The following PFAS variants were observed in gnomAD, a reference collection of about 807,000 sequenced individuals.
PFAS encodes FGAM synthase.
PFAS carries 97 observed loss-of-function variants against 140.6 expected under a neutral mutation model. The observed-to-expected ratio is 0.69, with a 90% confidence interval of 0.59 to 0.82. The LOEUF is 0.82. PFAS is among the 40% of genes least tolerant of loss of function. The pLI is 0.00. For synonymous variants in PFAS, 679 were observed against 718.8 expected, an observed-to-expected ratio of 0.94 and a Z score of 0.88; for missense variants, 1,656 against 1,780.2, an observed-to-expected ratio of 0.93 and a Z score of 1.26.
At chr17:8,256,234 C>A (rs762966351) in intron 6 of PFAS, 33 bp from the exon 7 acceptor site, 33 of 1,606,542 alleles carry the variant, frequency 2.1e-5, no homozygotes, top group Non-Finnish European at 2.7e-5. Flanking sequence ...CCCGTTTCCA[C>A]CTGCCTTCCC....
rs1453884486 is a variant in PFAS at position 8,257,888 on chromosome 17, G to A, written c.1157G>A (p.Ser386Asn). Residue 386 changes from serine to asparagine, a missense_variant, in exon 10 of 28, where the codon AGT becomes AAT. Transcript: ENST00000314666. ...CCCCTGGAGGTTGCCATTGAAGCCA[G>A]TAATGGAGCTTCTGACTATGGCAAC... is the stretch of plus-strand genomic sequence containing the variant. Reference protein sequence around the residue: ...ARPLEVAIEASNGASDYGNKF... With the variant: ...ARPLEVAIEANNGASDYGNKF... 1.2e-6 allele frequency: 2 copies of A among 1,614,176 alleles called. No homozygotes were observed. The highest frequency in any genetic ancestry group is 2.2e-5 in the South Asian group (2 of 91,090).
intron 13 of PFAS, 125 bp from the exon 14 acceptor site, chr17:8,263,450 G>C: frequency 2.0e-6 from 2 of 1,017,840 alleles, no homozygotes; most frequent in Non-Finnish European, 3.1e-6. Context: ...ATGATTGGTG[G>C]TAAGGGTGCG....
upstream of PFAS, chr17:8,249,256 G>T (rs1008237583): frequency 5.3e-5 from 8 of 152,186 alleles, no homozygotes; most frequent in Non-Finnish European, 1.0e-4. Flanking sequence ...GGCAGGTCCA[G>T]TCTCTGCCCG....
upstream of PFAS, chr17:8,248,202 G>A: frequency 1.6e-6 from 1 of 629,516 alleles, no homozygotes; most frequent in Admixed American, 2.8e-5. Flanking sequence ...GAGGCGCCTC[G>A]GTGCACCATC....
At chr17:8,248,672 C>T (rs1400254611), upstream of PFAS, among the ~76,000 whole-genome samples, 1 of 152,034 alleles carries the variant, frequency 6.6e-6, no homozygotes, top group Non-Finnish European at 1.5e-5. Flanking sequence ...ATCCTCCCAC[C>T]TCAGCCCACC....
rs1989691076 is a variant in PFAS at position 8,263,754 on chromosome 17, CT to C, written c.1630-20del. The C allele has an allele frequency of 6.2e-7, 1 of 1,610,896 alleles. No individual in the cohort carries two copies. Among genetic ancestry groups the C allele is most frequent in the African/African-American group, 1.3e-5 (1 of 74,874 alleles). On this transcript the variant is annotated intron_variant, in intron 14 of 27. Coordinates refer to ENST00000314666, the MANE Select transcript of PFAS (RefSeq NM_012393.3). ...GAGTGCCCACTGGCCCTTCTCTTTC[CT>C]CCCCGCCGTGGCTGTGCAGCTTGGG... is the stretch of plus-strand genomic sequence containing the variant.
At position 8,256,869 on chromosome 17, in the gene PFAS, A is replaced by T. The variant is rs150236583; in HGVS notation, c.981A>T (p.Thr327=). 3.1e-4 allele frequency: 508 copies of T among 1,612,830 alleles called. 2 individuals carry two copies. The highest frequency in any genetic ancestry group is 1.9e-3 in the South Asian group (172 of 90,902). ...CCTTTAGTGGTGCAACCACTGGCAC[A>T]GGGGGCCGGATTCGAGATGTCCAGT... is the stretch of plus-strand genomic sequence containing the variant. ...VCPFSGATTG[T]GGRIRDVQCT... Residue 327 remains threonine (T), a synonymous_variant, in exon 9 of 28, where the codon ACA becomes ACT. Transcript: ENST00000314666.
At position 8,254,254 on chromosome 17, in the gene PFAS, C is replaced by G. The variant is rs1399858073; in HGVS notation, c.231C>G (p.Ser77=). The G allele has an allele frequency of 6.2e-7, 1 of 1,614,118 alleles. No homozygotes were observed. Among genetic ancestry groups the G allele is most frequent in the South Asian group, 1.1e-5 (1 of 91,080 alleles). Residue 77 remains serine (S), a synonymous_variant, in exon 3 of 28, where the codon TCC becomes TCG. Coordinates refer to ENST00000314666, the MANE Select transcript of PFAS (RefSeq NM_012393.3). ...TGCTGGATGATGTTGCTCGGGAGTCCTGGCTCCTTCCTGGCTCCAATGACC... is the reference window on the plus strand; with the variant it reads ...TGCTGGATGATGTTGCTCGGGAGTCGTGGCTCCTTCCTGGCTCCAATGACC... ...PLLLDDVARE[S]WLLPGSNDLL... is the part of the protein sequence containing the mutation.
rs749122265 is a variant in PFAS, at chr17:8,258,083, C to T, written c.1220C>T (p.Ser407Phe). 1.9e-6 allele frequency: 3 copies of T among 1,614,142 alleles called. No individual in the cohort carries two copies. Among genetic ancestry groups the T allele is most frequent in the South Asian group, 1.1e-5 (1 of 91,082 alleles). Residue 407 changes from serine (S) to phenylalanine (F), a missense_variant, in exon 11 of 28, where the codon TCC becomes TTC. Ser to Phe is a radical substitution (Grantham distance 155, BLOSUM62 -2). Coordinates refer to ENST00000314666, the MANE Select transcript of PFAS (RefSeq NM_012393.3). ...GTTCACACTCCAGGCTTCGCCCGCT[C>T]CTTGGGCCTCCAGCTCCCAGACGGC... ...GEPVLAGFAR[S>F]LGLQLPDGQR... is the part of the protein sequence containing the mutation.
Position 8,254,287 on chromosome 17 carries a change from G to A in PFAS, c.264G>A (p.Leu88=), listed in dbSNP as rs754265098. 27 of 1,613,922 alleles carry A rather than the reference G, an allele frequency of 1.7e-5. No individual in the cohort carries two copies. The Admixed American group carries it at 4.5e-4, about 27-fold the overall frequency. Residue 88 remains leucine (L), a synonymous_variant, in exon 3 of 28, where the codon CTG becomes CTA. Coordinates refer to ENST00000314666, the MANE Select transcript of PFAS (RefSeq NM_012393.3). ...WLLPGSNDLL[L]EVGPRLNFST... ...TTCCTGGCTCCAATGACCTGCTGCT[G>A]GAGGTCGGGCCCAGGTAAGTATCTC... is the stretch of plus-strand genomic sequence containing the variant.
chr17:8,263,160 G>C lies in PFAS; in HGVS notation c.1462G>C (p.Asp488His). Residue 488 changes from aspartate to histidine, a missense_variant, in exon 13 of 28, where the codon GAC becomes CAC. Coordinates refer to ENST00000314666, the MANE Select transcript of PFAS (RefSeq NM_012393.3). ...GGACTTTGGGGCTGTGCAGCGAGGA[G>C]ACCCGGAGATGGAACAGAAGATGAA... ...DLDFGAVQRGDPEMEQKMNRV... is the reference protein window; with the variant it reads ...DLDFGAVQRGHPEMEQKMNRV... 1 of 1,614,036 alleles carries C rather than the reference G, an allele frequency of 6.2e-7. No homozygotes were observed. Among genetic ancestry groups the C allele is most frequent in the African/African-American group, 1.3e-5 (1 of 75,046 alleles).
chr17:8,268,909 G>C, intron 27 of PFAS, 45 bp from the exon 28 acceptor site: 3 of 1,612,388 alleles, frequency 1.9e-6, no homozygotes, highest in Non-Finnish European at 2.5e-6. Flanking sequence ...GCAAGGGTGG[G>C]CATGAAGGAC....
intron 11 of PFAS, among the ~76,000 whole-genome samples, chr17:8,261,447 C>T (rs1989589015): frequency 6.6e-6 from 1 of 151,942 alleles, no homozygotes; most frequent in South Asian, 2.1e-4. Flanking sequence ...CCGTGTTGCC[C>T]AGGCTGGTCT....
chr17:8,255,184 G>T (rs367941097), intron 4 of PFAS, 52 bp downstream of exon 4: 5 of 1,317,898 alleles, frequency 3.8e-6, no homozygotes, highest in Non-Finnish European at 3.3e-6. Context: ...TACAAGATTA[G>T]ATCCTAAGCT....
chr17:8,266,637 A>G lies in PFAS; in HGVS notation c.2822-116A>G. 1 of 1,502,028 alleles carries G rather than the reference A, an allele frequency of 6.7e-7. No homozygotes were observed. The highest frequency in any genetic ancestry group is 8.8e-7 in the Non-Finnish European group (1 of 1,132,692). 93.0% of individuals were successfully genotyped at this position (1,502,028 alleles called of 1,614,324 possible). A position where few individuals can be genotyped will look rare whatever the true frequency, so the allele number is the denominator to read the frequency against. On this transcript the variant is annotated intron_variant, in intron 22 of 27. Transcript: ENST00000314666. The surrounding 1 kb of genome is among the most constrained non-coding windows in gnomAD (Gnocchi z 5.0). The stretch of plus-strand genomic sequence containing the variant: ...CCTCATCCTCCCTGATCCCTACCCT[A>G]CTCTCTGGCTGCATCCCTCTGACCC...
intron 13 of PFAS, 76 bp downstream of exon 13, chr17:8,263,341 G>T (rs1207882082): frequency 2.7e-6 from 4 of 1,509,148 alleles, no homozygotes; most frequent in African/African-American, 2.7e-5. Flanking sequence ...GAGGTATCAG[G>T]AATCTCCAAC....
In PFAS at chr17:8,267,049, G is replaced by T; in HGVS notation, c.2989G>T (p.Ala997Ser). The T allele has an allele frequency of 6.2e-7, 1 of 1,614,020 alleles. No homozygotes were observed. Among genetic ancestry groups the T allele is most frequent in the Non-Finnish European group, 8.5e-7 (1 of 1,180,040 alleles). The change falls in exon 24 of 28, where the codon GCT becomes TCT. Residue 997 changes from alanine to serine, a missense_variant. Ala to Ser is a moderately conservative substitution (Grantham distance 99). Coordinates refer to ENST00000314666, the MANE Select transcript of PFAS (RefSeq NM_012393.3). This position sits in a 1 kb window ranked among gnomAD's most constrained non-coding sequence, Gnocchi z 4.9. The part of the protein sequence containing the change: ...HAMVRVSVNG[A>S]VVLEEPVGEL... Reference sequence around the variant, plus strand: ...CTAGGTCCGGGTGTCAGTGAACGGGGCTGTGGTTCTGGAGGAGCCTGTTGG... The same window carrying T: ...CTAGGTCCGGGTGTCAGTGAACGGGTCTGTGGTTCTGGAGGAGCCTGTTGG...
chr17:8,253,554 A>T (rs1167307676), intron 1 of PFAS, among the ~76,000 whole-genome samples: 1 of 151,946 alleles, frequency 6.6e-6, no homozygotes, highest in East Asian at 1.9e-4. Flanking sequence ...TTATTTATTT[A>T]TTGAGACGGA....
At chr17:8,263,740 G>A in intron 14 of PFAS, 35 bp from the exon 15 acceptor site, 1 of 1,609,898 alleles carries the variant, frequency 6.2e-7, no homozygotes. Flanking sequence ...AGTGCCCACT[G>A]GCCCTTCTCT....
Sources: gnomAD v4.1 joint callset for allele counts (sites outside exome capture counted in the v4.1 genomes callset) on GRCh38, gnomAD v4.1.1 for gene constraint, Gnocchi (gnomAD v3.1) non-coding constraint, MANE v1.5 for transcripts, NCBI Gene and HGNC (gene_info 2026-07-23, HGNC 2026-07-21) for gene names.